Variants in KCNMA1 observed in about 807,000 individuals in gnomAD.
KCNMA1 encodes the protein Calcium-activated potassium channel subunit alpha-1.
In KCNMA1, 29 loss-of-function variants were observed where a neutral mutation model predicts 140.0. The observed-to-expected ratio is 0.21, with a 90% confidence interval of 0.15 to 0.28. The LOEUF (loss-of-function observed/expected upper bound fraction) is 0.28, where lower values mean the gene tolerates loss of function less well. Ranked by LOEUF, KCNMA1 falls within the 10% of genes least tolerant of loss-of-function variation. The probability of loss-of-function intolerance (pLI) is 1.00; values close to 1 mark genes in which losing one functional copy is unlikely to be tolerated. For synonymous variants in KCNMA1, 612 were observed against 611.9 expected (o/e 1.00, Z 0.00); for missense variants, 880 against 1,602.2 (o/e 0.55, Z 7.70).
At chr10:77,144,631 A>G (rs185273332) in intron 5 of KCNMA1, among the ~76,000 whole-genome samples, 3 of 152,296 alleles carry the variant, frequency 2.0e-5, no homozygotes, top group African/African-American at 4.8e-5. Flanking sequence ...GTTAGATGGT[A>G]TCTCCCTGTC....
At chr10:77,573,603 T>C (rs776607948) in intron 1 of KCNMA1, among the ~76,000 whole-genome samples, 1 of 148,474 alleles carries the variant, frequency 6.7e-6, no homozygotes, top group African/African-American at 2.5e-5. Flanking sequence ...AATTATTTTT[T>C]AAGAAAATGG....
intron 2 of KCNMA1, among the ~76,000 whole-genome samples, chr10:77,274,730 G>C (rs921042087): frequency 6.6e-6 from 1 of 152,182 alleles, no homozygotes; most frequent in Non-Finnish European, 1.5e-5. Flanking sequence ...CAGAAGGGAG[G>C]GCGGTTTACA....
intron 1 of KCNMA1, chr10:77,493,773 T>C (rs913999138): frequency 1.3e-5 from 2 of 152,082 alleles, no homozygotes; most frequent in African/African-American, 2.4e-5. Flanking sequence ...TGTGGGAAAA[T>C]TGAGGGGACC....
intron 2 of KCNMA1, among the ~76,000 whole-genome samples, chr10:77,279,657 A>C (rs2395464): frequency 0.17 from 25,639 of 152,120 alleles, 2,830 homozygotes; most frequent in Admixed American, 0.25. Context: ...TGGTTTGGCT[A>C]TATCCCCACC....
chr10:76,936,404 T>C (rs66593464), intron 23 of KCNMA1, among the ~76,000 whole-genome samples: 1 of 152,174 alleles, frequency 6.6e-6, no homozygotes, highest in Non-Finnish European at 1.5e-5. Context: ...CAGTGTGGTA[T>C]TTATAAATCT....
At chr10:77,261,989 A>G (rs1419826725) in intron 2 of KCNMA1, among the ~76,000 whole-genome samples, 1 of 152,226 alleles carries the variant, frequency 6.6e-6, no homozygotes, top group African/African-American at 2.4e-5. Context: ...TCAGGTCAGA[A>G]GTTGCCACTC....
In KCNMA1 at chr10:76,891,791, A is replaced by G. The variant is rs1296585485; in HGVS notation, c.3148-72T>C. 10 of 1,273,856 alleles carry G rather than the reference A, an allele frequency of 7.9e-6. No homozygotes were observed. The East Asian group carries it at 2.3e-4, about 29-fold the overall frequency. The allele number at this position is 1,273,856 out of a possible 1,614,324, so 78.9% of individuals were successfully genotyped here. Reference sequence around the variant, plus strand: ...CTAAAGTCATGACAGCCGACATCCAAATTACAACTTTTCTTGGTATCTCCT... The same window carrying G: ...CTAAAGTCATGACAGCCGACATCCAGATTACAACTTTTCTTGGTATCTCCT... On this transcript the variant is annotated intron_variant, in intron 25 of 27. Coordinates refer to ENST00000286628, the MANE Select transcript of KCNMA1 (RefSeq NM_001161352.2).
At chr10:77,029,712 C>T (rs530491991) in intron 15 of KCNMA1, among the ~76,000 whole-genome samples, 2 of 152,240 alleles carry the variant, frequency 1.3e-5, no homozygotes, top group African/African-American at 2.4e-5. Context: ...GGGAGCACAA[C>T]AGCATGATGA....
At chr10:77,510,419 T>G (rs1381701696) in intron 1 of KCNMA1, among the ~76,000 whole-genome samples, 1 of 152,144 alleles carries the variant, frequency 6.6e-6, no homozygotes, top group African/African-American at 2.4e-5. Context: ...CCCAATTCAA[T>G]TATTTATGTC....
intron 2 of KCNMA1, among the ~76,000 whole-genome samples, chr10:77,253,170 C>T (rs1402413487): frequency 6.6e-6 from 1 of 152,096 alleles, no homozygotes; most frequent in African/African-American, 2.4e-5. Flanking sequence ...CTGGCCCTGA[C>T]CTCATTCTCA....
At chr10:76,924,053 A>C (rs1448196175) in intron 23 of KCNMA1, among the ~76,000 whole-genome samples, 1 of 152,160 alleles carries the variant, frequency 6.6e-6, no homozygotes, top group Non-Finnish European at 1.5e-5. Context: ...TGTGGATCAA[A>C]TTACTTATAA....
At chr10:77,382,771 A>C (rs1276349229) in intron 2 of KCNMA1, among the ~76,000 whole-genome samples, 2 of 149,552 alleles carry the variant, frequency 1.3e-5, no homozygotes, top group East Asian at 2.0e-4. Context: ...AGCCTGAGGC[A>C]GGAGAATCAC....
intron 15 of KCNMA1, among the ~76,000 whole-genome samples, chr10:77,029,302 T>A (rs979252384): frequency 3.3e-5 from 5 of 152,188 alleles, no homozygotes. Flanking sequence ...GCTCCAGCAT[T>A]GTAAGGGGGA....
chr10:77,380,348 C>G (rs1450996315), intron 2 of KCNMA1, among the ~76,000 whole-genome samples: 2 of 152,114 alleles, frequency 1.3e-5, no homozygotes. Context: ...TTTAGGAAGC[C>G]CAGCCTGGTC....
chr10:77,005,266 T>C (rs535153876), intron 18 of KCNMA1, among the ~76,000 whole-genome samples: 1 of 152,304 alleles, frequency 6.6e-6, no homozygotes, highest in African/African-American at 2.4e-5. Context: ...TGGCTTCTCA[T>C]GATCCACAGC....
chr10:77,277,618 T>C (rs2067037039), intron 2 of KCNMA1, among the ~76,000 whole-genome samples: 1 of 152,166 alleles, frequency 6.6e-6, no homozygotes, highest in African/African-American at 2.4e-5. Flanking sequence ...CCAGGGGGCT[T>C]ATTCTCTGAA....
At chr10:77,519,355 T>A in intron 1 of KCNMA1, among the ~76,000 whole-genome samples, 1 of 152,212 alleles carries the variant, frequency 6.6e-6, no homozygotes, top group Non-Finnish European at 1.5e-5. Context: ...TCCTTCTCCA[T>A]CCTTGACTTG....
At chr10:76,894,302 AC>A (rs2041555779) in intron 25 of KCNMA1, among the ~76,000 whole-genome samples, 1 of 152,218 alleles carries the variant, frequency 6.6e-6, no homozygotes, top group Non-Finnish European at 1.5e-5. Flanking sequence ...TGGGACCTAT[AC>A]CTCACACTAT....
rs1277942609 is a variant in KCNMA1 at position 76,885,009 on chromosome 10, C to T, written c.*2257G>A. ...CATACCTTGGCCCATTCTATTCATC[C>T]TTGTTGCACTTTAGAGAGAGAAGTA... On this transcript the variant is annotated 3_prime_UTR_variant, in exon 28 of 28. Transcript: ENST00000286628. 1 of 1,548,102 alleles carries T rather than the reference C, an allele frequency of 6.5e-7. No homozygotes were observed. The highest frequency in any genetic ancestry group is 8.7e-7 in the Non-Finnish European group (1 of 1,145,854).
Sources: allele counts gnomAD v4.1 joint callset (sites outside exome capture counted in the v4.1 genomes callset), GRCh38; gene constraint gnomAD v4.1.1; transcripts MANE v1.5; gene names NCBI Gene and HGNC (gene_info 2026-07-23, HGNC 2026-07-21).